NMBR: variants seen among roughly 807,000 people sequenced by gnomAD.
The protein encoded by NMBR is neuromedin B receptor, also known as neuromedin-B receptor.
NMBR carries 16 observed loss-of-function variants against 20.5 expected under a neutral mutation model. That is an observed-to-expected ratio of 0.78 (90% confidence interval 0.53 to 1.19). The LOEUF is 1.19. Ranked by LOEUF, NMBR falls within the 50% of genes most tolerant of loss-of-function variation. NMBR has a pLI of 0.00. For synonymous variants in NMBR, 212 were observed against 196.6 expected (o/e 1.08, Z -0.65); for missense variants, 582 against 499.1 (o/e 1.17, Z -1.58).
intron 1 of NMBR, among the ~76,000 whole-genome samples, chr6:142,130,965 C>T (rs965402528): frequency 1.3e-5 from 2 of 152,104 alleles, no homozygotes; most frequent in Admixed American, 6.6e-5. Context: ...AATATTTTTC[C>T]TAGCAAGATT....
At chr6:142,133,790 T>G (rs1002771915) in intron 1 of NMBR, 2 of 550,670 alleles carry the variant, frequency 3.6e-6, no homozygotes, top group Non-Finnish European at 3.3e-6. Context: ...AGGATTTTTT[T>G]AAATGTCCTC....
chr6:142,096,119 A>AT (rs1190831027), intron 1 of NMBR, among the ~76,000 whole-genome samples: 1 of 151,864 alleles, frequency 6.6e-6, no homozygotes, highest in Non-Finnish European at 1.5e-5. Context: ...GGATTCATTG[A>AT]TTTTTTGAAG....
intron 1 of NMBR, among the ~76,000 whole-genome samples, chr6:142,096,820 G>A (rs1241080556): frequency 1.3e-5 from 2 of 151,686 alleles, no homozygotes; most frequent in East Asian, 1.9e-4. Context: ...TCTCTTTGTA[G>A]GTCTCTAAGG....
Position 142,074,498 on chromosome 6 carries a change from A to G in NMBR, c.*1150T>C, listed in dbSNP as rs1168044965. On this transcript the variant is annotated 3_prime_UTR_variant, in exon 4 of 4. Coordinates refer to ENST00000258042, the MANE Select transcript of NMBR (RefSeq NM_002511.4). ...TATGAAATATATTGATTTAAATGTTAGATTTATTGATACATGCTTTTAAAA... is the reference window on the plus strand; with the variant it reads ...TATGAAATATATTGATTTAAATGTTGGATTTATTGATACATGCTTTTAAAA... Among the ~76,000 whole-genome samples, 3 of 152,162 alleles carry G rather than the reference A, an allele frequency of 2.0e-5. No individual in the cohort carries two copies. Among genetic ancestry groups the G allele is most frequent in the African/African-American group, 7.2e-5 (3 of 41,472 alleles).
At chr6:142,080,169 C>G (rs993489143) in intron 2 of NMBR, among the ~76,000 whole-genome samples, 1 of 151,986 alleles carries the variant, frequency 6.6e-6, no homozygotes, top group East Asian at 1.9e-4. Context: ...ATTCTGTTAG[C>G]TTTACTTTCC....
intron 1 of NMBR, among the ~76,000 whole-genome samples, chr6:142,090,327 GAT>G (rs1777300390): frequency 1.3e-5 from 2 of 151,972 alleles, no homozygotes; most frequent in South Asian, 4.2e-4. Flanking sequence ...AAACTGATAA[GAT>G]GTGTATATAT....
At chr6:142,143,755 G>C (rs1365684594) in intron 1 of NMBR, among the ~76,000 whole-genome samples, 1 of 145,840 alleles carries the variant, frequency 6.9e-6, no homozygotes, top group Non-Finnish European at 1.5e-5. Context: ...AGGAGATGTA[G>C]AATAGCCAAC....
intron 2 of NMBR, 105 bp from the exon 3 acceptor site, chr6:142,079,008 G>A: frequency 4.8e-6 from 3 of 627,130 alleles, no homozygotes; most frequent in Non-Finnish European, 7.6e-6. Context: ...GAGAGAGAAA[G>A]GAAGAAAGGG....
chr6:142,078,893 T>C lies in NMBR; in HGVS notation c.433A>G (p.Ile145Val). The C allele has an allele frequency of 5.6e-6, 9 of 1,609,692 alleles. No individual in the cohort carries two copies. Among genetic ancestry groups the C allele is most frequent in the Non-Finnish European group, 7.6e-6 (9 of 1,178,244 alleles). The change falls in exon 3 of 4, where the codon ATC becomes GTC. Residue 145 changes from isoleucine to valine, a missense_variant. By Grantham distance (29) the Ile-to-Val change is conservative. Coordinates refer to ENST00000258042, the MANE Select transcript of NMBR (RefSeq NM_002511.4). Reference protein sequence around the residue: ...TALSADRYRAIVNPMDMQTSG... With the variant: ...TALSADRYRAVVNPMDMQTSG... ...GTCTGCATGTCCATGGGGTTAACGA[T>C]GGCTCTGTACCTGGGAAAATGATAC...
intron 1 of NMBR, among the ~76,000 whole-genome samples, chr6:142,117,230 G>C (rs964017535): frequency 1.3e-5 from 2 of 151,894 alleles, no homozygotes; most frequent in Non-Finnish European, 2.9e-5. Flanking sequence ...ATATGTGATG[G>C]ATTTAATAGT....
At chr6:142,097,753 A>C (rs1777484469) in intron 1 of NMBR, among the ~76,000 whole-genome samples, 1 of 152,162 alleles carries the variant, frequency 6.6e-6, no homozygotes, top group South Asian at 2.1e-4. Flanking sequence ...CTAAACCAAT[A>C]ATGGCACAGA....
rs370553427 is a variant in NMBR at position 142,116,496 on chromosome 6, T to C, written c.-663-27175A>G. Among the ~76,000 whole-genome samples, 50 of 152,084 alleles carry C rather than the reference T, an allele frequency of 3.3e-4. No homozygotes were observed. The South Asian group carries it at 8.9e-3, about 27-fold the overall frequency. ...GACCATACATCCACTAATAGCAGTATTGAAACCCTACAAGGGTATTGATGC... is the reference window on the plus strand; with the variant it reads ...GACCATACATCCACTAATAGCAGTACTGAAACCCTACAAGGGTATTGATGC... On this transcript the variant is annotated intron_variant, in intron 1 of 3. Transcript: ENST00000258042.
At chr6:142,090,568 A>G (rs1241122920) in intron 1 of NMBR, among the ~76,000 whole-genome samples, 1 of 149,594 alleles carries the variant, frequency 6.7e-6, no homozygotes, top group Non-Finnish European at 1.5e-5. Context: ...AATATATTTG[A>G]ATATATAAAT....
At chr6:142,136,934 C>A (rs1289024115) in intron 1 of NMBR, among the ~76,000 whole-genome samples, 1 of 152,186 alleles carries the variant, frequency 6.6e-6, no homozygotes, top group East Asian at 1.9e-4. Context: ...TAGGGTGATG[C>A]CTGCAGCTTT....
At chr6:142,130,769 T>A (rs1360423678) in intron 1 of NMBR, among the ~76,000 whole-genome samples, 3 of 152,074 alleles carry the variant, frequency 2.0e-5, no homozygotes. Flanking sequence ...CTTTTTTTAA[T>A]GAAAAAGGGA....
intron 3 of NMBR, among the ~76,000 whole-genome samples, chr6:142,077,427 G>A (rs1440301511): frequency 2.0e-5 from 3 of 151,878 alleles, no homozygotes; most frequent in African/African-American, 2.4e-5. Flanking sequence ...TGGGTCACAG[G>A]GCTCAAGTAA....
intron 1 of NMBR, chr6:142,134,160 T>C: frequency 2.0e-6 from 1 of 499,930 alleles, no homozygotes; most frequent in Non-Finnish European, 3.6e-6. Flanking sequence ...TATGTTACTT[T>C]TTCTTTAATT....
At position 142,078,864 on chromosome 6, in the gene NMBR, T is replaced by G; in HGVS notation, c.462A>C (p.Ser154=). 6.2e-7 allele frequency: 1 copy of G among 1,613,368 alleles called. No individual in the cohort carries two copies. Among genetic ancestry groups the G allele is most frequent in the South Asian group, 1.1e-5 (1 of 91,024 alleles). ...TCACACAGGTCCGCAGCAATGCCCCTGACGTCTGCATGTCCATGGGGTTAA... is the reference window on the plus strand; with the variant it reads ...TCACACAGGTCCGCAGCAATGCCCCGGACGTCTGCATGTCCATGGGGTTAA... ...AIVNPMDMQT[S]GALLRTCVKA... is the part of the protein sequence containing the mutation. The change falls in exon 3 of 4, where the codon TCA becomes TCC. Residue 154 remains serine, a synonymous_variant. Coordinates refer to ENST00000258042, the MANE Select transcript of NMBR (RefSeq NM_002511.4).
Position 142,088,223 on chromosome 6 carries a change from A to G in NMBR, c.422+14T>C. 6.2e-7 allele frequency: 1 copy of G among 1,604,564 alleles called. No individual in the cohort carries two copies. Among genetic ancestry groups the G allele is most frequent in the Non-Finnish European group, 8.5e-7 (1 of 1,177,746 alleles). ...CGACTTTTCCAAGCCACTCACAGCT[A>G]CCTGTGCTCTTACCTGTCGGCGCTG... On this transcript the variant is annotated intron_variant, in intron 2 of 3. Transcript: ENST00000258042.
Sources: gnomAD v4.1 joint callset for allele counts (sites outside exome capture counted in the v4.1 genomes callset) on GRCh38, gnomAD v4.1.1 for gene constraint, MANE v1.5 for transcripts, NCBI Gene and HGNC (gene_info 2026-07-23, HGNC 2026-07-21) for gene names.